Variants in RNF149 observed in about 807,000 individuals in gnomAD.
RNF149 encodes ring finger protein 149.
RNF149 carries 21 observed loss-of-function variants against 39.0 expected under a neutral mutation model. That is an observed-to-expected ratio of 0.54 (90% confidence interval 0.38 to 0.77). The LOEUF (loss-of-function observed/expected upper bound fraction) is 0.77. RNF149 is among the 30% of genes least tolerant of loss of function. The pLI is 0.00. For synonymous variants in RNF149, 209 were observed against 213.6 expected, an observed-to-expected ratio of 0.98 and a Z score of 0.19; for missense variants, 493 against 534.9, an observed-to-expected ratio of 0.92 and a Z score of 0.77.
At chr2:101,294,409 G>T in intron 2 of RNF149, 1 of 242,792 alleles carries the variant, frequency 4.1e-6, no homozygotes, top group Non-Finnish European at 8.0e-6. Context: ...ATATTGTCAA[G>T]AAAGTAAGAA....
intron 3 of RNF149, 125 bp from the exon 4 acceptor site, chr2:101,289,180 A>T (rs1225736519): frequency 1.6e-6 from 1 of 608,186 alleles, no homozygotes; most frequent in Admixed American, 3.3e-5. Flanking sequence ...GGTGAAATTA[A>T]AACACAAATA....
At chr2:101,286,446 G>A (rs1199166825) in intron 4 of RNF149, 1 of 262,918 alleles carries the variant, frequency 3.8e-6, no homozygotes, top group Non-Finnish European at 7.1e-6. Context: ...GCCTCTGTAA[G>A]TTATTTGAAA....
intron 6 of RNF149, among the ~76,000 whole-genome samples, chr2:101,279,711 T>G (rs1388295726): frequency 1.3e-5 from 2 of 152,224 alleles, no homozygotes; most frequent in Admixed American, 1.3e-4. Flanking sequence ...TCTCCTTTTT[T>G]TGTTCCACAA....
At position 101,307,736 on chromosome 2, in the gene RNF149, TG is replaced by T. The variant is rs956957129; in HGVS notation, c.460+392del. On this transcript the variant is annotated intron_variant, in intron 1 of 6. Transcript: ENST00000295317. ...ATGTTGGTGAAGGGACAACCGATCGTGGGGCGCGCTGGGGGAAGAGTTTGGA... is the reference window on the plus strand; with the variant it reads ...ATGTTGGTGAAGGGACAACCGATCGTGGGCGCGCTGGGGGAAGAGTTTGGA... 5 of 790,940 alleles carry T rather than the reference TG, an allele frequency of 6.3e-6. No individual in the cohort carries two copies. The South Asian group carries it at 2.9e-4, about 46-fold the overall frequency. 49.0% of individuals were successfully genotyped at this position (790,940 alleles called of 1,614,324 possible). A position where few individuals can be genotyped will look rare whatever the true frequency, so the allele number is the denominator to read the frequency against.
chr2:101,305,652 C>T (rs1478348755), intron 1 of RNF149, among the ~76,000 whole-genome samples: 1 of 152,018 alleles, frequency 6.6e-6, no homozygotes, highest in Non-Finnish European at 1.5e-5. Flanking sequence ...ATCCTAAATG[C>T]ACAGGGCAAC....
chr2:101,301,007 G>A (rs1036164329), intron 1 of RNF149, among the ~76,000 whole-genome samples: 14 of 152,180 alleles, frequency 9.2e-5, no homozygotes, highest in African/African-American at 3.4e-4. Context: ...TGGCACATGA[G>A]ACCAAATCAC....
intron 1 of RNF149, among the ~76,000 whole-genome samples, chr2:101,295,732 C>T (rs1213018310): frequency 1.3e-5 from 2 of 150,666 alleles, no homozygotes; most frequent in Admixed American, 6.6e-5. Context: ...AAATCTACCA[C>T]CAAACCTTTA....
At chr2:101,293,931 G>A (rs1683115457) in intron 3 of RNF149, 83 bp downstream of exon 3, 2 of 774,622 alleles carry the variant, frequency 2.6e-6, no homozygotes, top group Admixed American at 2.6e-5. Context: ...AAATATTTCT[G>A]CCAATCCTTC....
chr2:101,272,135 A>T (rs904390531), downstream of RNF149, among the ~76,000 whole-genome samples: 5 of 152,146 alleles, frequency 3.3e-5, no homozygotes, highest in Non-Finnish European at 7.4e-5. Flanking sequence ...TGTCCTTTTT[A>T]TGCAATCACT....
intron 1 of RNF149, among the ~76,000 whole-genome samples, chr2:101,298,368 T>A (rs1683323217): frequency 6.6e-6 from 1 of 152,110 alleles, no homozygotes; most frequent in South Asian, 2.1e-4. Context: ...GAGGTTGCAG[T>A]GAGCTGAGAT....
At chr2:101,275,192 ACTGCAACCT>A (rs1179811181), downstream of RNF149, among the ~76,000 whole-genome samples, 5 of 129,486 alleles carry the variant, frequency 3.9e-5, no homozygotes, top group African/African-American at 1.5e-4. Flanking sequence ...ATCTTGGCTC[ACTGCAACCT>A]CTGCCTCCCA....
rs756572047 is a variant in RNF149 at position 101,308,279 on chromosome 2, G to T, written c.310C>A (p.Arg104=). 1.3e-6 allele frequency: 2 copies of T among 1,576,776 alleles called. No individual in the cohort carries two copies. The highest frequency in any genetic ancestry group is 2.3e-5 in the South Asian group (2 of 88,064). ...AGGGCGACCCAGGGCGCGGCCCCTC[G>T]GCCGCCGGGCTCGGGCACGAAGAAG... ...TRFFVPEPGG[R]GAAPWVALVA... The change falls in exon 1 of 7, where the codon CGA becomes AGA. Residue 104 remains arginine (R), a synonymous_variant. Coordinates refer to ENST00000295317, the MANE Select transcript of RNF149 (RefSeq NM_173647.4).
chr2:101,282,562 C>T (rs533293713), intron 5 of RNF149, among the ~76,000 whole-genome samples: 6 of 152,268 alleles, frequency 3.9e-5, no homozygotes, highest in Admixed American at 3.3e-4. Context: ...TTCCCTCCCT[C>T]CTTCCATTTG....
At chr2:101,279,485 G>C (rs1243680633) in intron 6 of RNF149, among the ~76,000 whole-genome samples, 1 of 152,192 alleles carries the variant, frequency 6.6e-6, no homozygotes, top group Admixed American at 6.5e-5. Context: ...TCATGTACTA[G>C]AGAAGGCAAA....
At chr2:101,273,234 CAG>C (rs1366494867), downstream of RNF149, 14 of 802,728 alleles carry the variant, frequency 1.7e-5, no homozygotes, top group Non-Finnish European at 2.6e-5. Context: ...GGACAGCAGG[CAG>C]GGGGCTGCGG....
intron 1 of RNF149, among the ~76,000 whole-genome samples, chr2:101,296,257 AG>A (rs1683228871): frequency 6.6e-6 from 1 of 152,216 alleles, no homozygotes; most frequent in Non-Finnish European, 1.5e-5. Context: ...ATTGCTCTGA[AG>A]GCATAAGCAG....
chr2:101,303,171 AG>A (rs1683519342), intron 1 of RNF149, among the ~76,000 whole-genome samples: 1 of 152,096 alleles, frequency 6.6e-6, no homozygotes, highest in South Asian at 2.1e-4. Context: ...GCTGTAGTGC[AG>A]TGGTGCAATC....
rs1682366178 is a variant in RNF149 at position 101,276,935 on chromosome 2, T to TTA, written c.*301_*302dup. 9.2e-7 allele frequency: 1 copy of TTA among 1,087,500 alleles called. No individual in the cohort carries two copies. The allele number at this position is 1,087,500 out of a possible 1,614,324, so 67.4% of individuals were successfully genotyped here. A position where few individuals can be genotyped will look rare whatever the true frequency, so the allele number is the denominator to read the frequency against. ...GTTTTTACAGAACCATAGCAGCCAA[T>TTA]TATTTAGAAACACCACCTGTCCTTT... On this transcript the variant is annotated 3_prime_UTR_variant, in exon 7 of 7. Coordinates refer to ENST00000295317, the MANE Select transcript of RNF149 (RefSeq NM_173647.4).
At position 101,275,831 on chromosome 2, in the gene RNF149, A is replaced by G. The variant is rs1682327759; in HGVS notation, c.*1407T>C. 2 of 978,946 alleles carry G rather than the reference A, an allele frequency of 2.0e-6. No individual in the cohort carries two copies. The highest frequency in any genetic ancestry group is 1.8e-5 in the African/African-American group (1 of 57,128). 60.6% of individuals were successfully genotyped at this position (978,946 alleles called of 1,614,324 possible). A position where few individuals can be genotyped will look rare whatever the true frequency, so the allele number is the denominator to read the frequency against. Reference sequence around the variant, plus strand: ...CTATTTATAATAAACTACAGAAGGTAGATTTCAAAGGTAATGGCTGTTATG... The same window carrying G: ...CTATTTATAATAAACTACAGAAGGTGGATTTCAAAGGTAATGGCTGTTATG... On this transcript the variant is annotated 3_prime_UTR_variant, in exon 7 of 7. Coordinates refer to ENST00000295317, the MANE Select transcript of RNF149 (RefSeq NM_173647.4).
Sources: gnomAD v4.1 joint callset for allele counts (sites outside exome capture counted in the v4.1 genomes callset) on GRCh38, gnomAD v4.1.1 for gene constraint, MANE v1.5 for transcripts, NCBI Gene and HGNC (gene_info 2026-07-23, HGNC 2026-07-21) for gene names.